Variants in ZCCHC2 observed in about 807,000 individuals in gnomAD.
ZCCHC2 encodes the protein zinc finger CCHC-type containing 2.
ZCCHC2 carries 39 observed loss-of-function variants against 103.6 expected under a neutral mutation model. That is an observed-to-expected ratio of 0.38 (90% CI 0.29 to 0.49). The LOEUF is 0.49. ZCCHC2 is among the 20% of genes least tolerant of loss of function. ZCCHC2 has a pLI of 0.96. For synonymous variants in ZCCHC2, 687 were observed against 608.9 expected (o/e 1.13, Z -1.89); for missense variants, 1,483 against 1,491.0 (o/e 0.99, Z 0.09).
rs1915885954 is a variant in ZCCHC2, at chr18:62,556,386, TAGTTAA to T, written c.1408+96_1408+101del. 3.1e-5 allele frequency: 32 copies of T among 1,047,282 alleles called. No individual in the cohort carries two copies. The South Asian group carries it at 5.0e-4, about 16-fold the overall frequency. The allele number at this position is 1,047,282 out of a possible 1,614,324, so 64.9% of individuals were successfully genotyped here. A position where few individuals can be genotyped will look rare whatever the true frequency, so the allele number is the denominator to read the frequency against. On this transcript the variant is annotated intron_variant, in intron 6 of 13. Transcript: ENST00000269499. Reference sequence around the variant, plus strand: ...GTCATTTTGTGTAGGTTTGTCACTTTAGTTAAAGTTAAGGAATAGTGACATACATTT... The same window carrying T: ...GTCATTTTGTGTAGGTTTGTCACTTTAGTTAAGGAATAGTGACATACATTT...
intron 11 of ZCCHC2, among the ~76,000 whole-genome samples, chr18:62,566,755 C>T (rs1916384432): frequency 6.6e-6 from 1 of 152,190 alleles, no homozygotes; most frequent in African/African-American, 2.4e-5. Context: ...CATGTGACCT[C>T]TCTGATGCCT....
At position 62,553,595 on chromosome 18, in the gene ZCCHC2, A is replaced by G. The variant is rs559822981; in HGVS notation, c.1314-2608A>G. On this transcript the variant is annotated intron_variant, in intron 5 of 13. Transcript: ENST00000269499. ...TTTATCTGTAAGATCAATTTATGGA[A>G]ATAATGTAATTGGTCAAAAGTTACA... Among the ~76,000 whole-genome samples, 5 of 152,292 alleles carry G rather than the reference A, an allele frequency of 3.3e-5. No homozygotes were observed. The East Asian group carries it at 9.6e-4, about 29-fold the overall frequency.
chr18:62,585,454 T>C (rs540405557), exon 15 of ZCCHC2: 1 of 152,100 alleles, frequency 6.6e-6, no homozygotes, highest in Non-Finnish European at 1.5e-5. Flanking sequence ...ACAAGAACAG[T>C]CACCCCCAAC....
chr18:62,527,518 A>G (rs1914486733), intron 1 of ZCCHC2, among the ~76,000 whole-genome samples: 1 of 152,182 alleles, frequency 6.6e-6, no homozygotes. Context: ...GAGTTTTTCT[A>G]TTATTTGGAT....
chr18:62,554,799 G>C (rs1431911644), intron 5 of ZCCHC2, among the ~76,000 whole-genome samples: 1 of 152,162 alleles, frequency 6.6e-6, no homozygotes, highest in African/African-American at 2.4e-5. Context: ...ATTTGCTCCT[G>C]AATTCAGATC....
intron 2 of ZCCHC2, among the ~76,000 whole-genome samples, chr18:62,541,411 G>A (rs951404136): frequency 5.3e-5 from 8 of 152,052 alleles, no homozygotes; most frequent in African/African-American, 1.2e-4. Flanking sequence ...CCCACCTTCC[G>A]TGGTCTTTTA....
chr18:62,574,877 C>T lies in ZCCHC2; in HGVS notation c.2796C>T (p.Asn932=). The change falls in exon 13 of 14, where the codon AAC becomes AAT. Residue 932 remains asparagine (N), a synonymous_variant. Transcript: ENST00000269499. ...PLAAGVLPSQ[N]SSVLSTAATS... Reference sequence around the variant, plus strand: ...CTGCCGGCGTGTTACCCAGCCAGAACTCCAGTGTGCTCAGCACAGCAGCAA... The same window carrying T: ...CTGCCGGCGTGTTACCCAGCCAGAATTCCAGTGTGCTCAGCACAGCAGCAA... The T allele has an allele frequency of 8.1e-6, 13 of 1,613,870 alleles. No individual in the cohort carries two copies. Among genetic ancestry groups the T allele is most frequent in the Non-Finnish European group, 1.1e-5 (13 of 1,179,886 alleles).
intron 11 of ZCCHC2, among the ~76,000 whole-genome samples, chr18:62,568,251 A>T (rs1302140554): frequency 6.6e-6 from 1 of 152,052 alleles, no homozygotes. Flanking sequence ...TTTTGTTTTT[A>T]TTATGTGCAA....
intron 2 of ZCCHC2, among the ~76,000 whole-genome samples, chr18:62,541,562 CA>C (rs140581524): frequency 0.82 from 124,252 of 152,020 alleles, 51,591 homozygotes; most frequent in East Asian, 0.99. Flanking sequence ...GTGTACCCCC[CA>C]CACCCATTCT....
At chr18:62,579,029 A>G (rs1462618519), downstream of ZCCHC2, among the ~76,000 whole-genome samples, 2 of 152,094 alleles carry the variant, frequency 1.3e-5, no homozygotes, top group African/African-American at 2.4e-5. Flanking sequence ...CTGCCTCCCA[A>G]AGTGGTGGGA....
rs1914247547 is a variant in ZCCHC2, at chr18:62,524,373, A to C, written c.939+10A>C. The C allele has an allele frequency of 1.3e-6, 2 of 1,499,628 alleles. No homozygotes were observed. Among genetic ancestry groups the C allele is most frequent in the East Asian group, 5.2e-5 (2 of 38,326 alleles). 92.9% of individuals were successfully genotyped at this position (1,499,628 alleles called of 1,614,324 possible). A position where few individuals can be genotyped will look rare whatever the true frequency, so the allele number is the denominator to read the frequency against. The stretch of plus-strand genomic sequence containing the variant: ...CGGCCCCAGGGCCCAGGTAAGGCGC[A>C]CGGAGCCTCCCTGGACTCGCGGTGC... On this transcript the variant is annotated intron_variant, in intron 1 of 13. Coordinates refer to ENST00000269499, the MANE Select transcript of ZCCHC2 (RefSeq NM_017742.6).
intron 4 of ZCCHC2, among the ~76,000 whole-genome samples, chr18:62,546,987 C>A (rs1372501733): frequency 2.0e-5 from 3 of 152,026 alleles, no homozygotes; most frequent in Non-Finnish European, 2.9e-5. Flanking sequence ...CCAAGTTTAC[C>A]TTATCCTTTT....
At position 62,523,784 on chromosome 18, in the gene ZCCHC2, C is replaced by T. The variant is rs1307198944; in HGVS notation, c.360C>T (p.Asp120=). Residue 120 remains aspartate (D), a synonymous_variant, in exon 1 of 14, where the codon GAC becomes GAT. Coordinates refer to ENST00000269499, the MANE Select transcript of ZCCHC2 (RefSeq NM_017742.6). ...QRLEFMCGLL[D]LCNPLELRFL... is the part of the protein sequence containing the mutation. ...TGGAGTTCATGTGCGGGCTGCTGGACCTGTGCAACCCGCTGGAGCTGCGCT... is the reference window on the plus strand; with the variant it reads ...TGGAGTTCATGTGCGGGCTGCTGGATCTGTGCAACCCGCTGGAGCTGCGCT... 1.9e-6 allele frequency: 3 copies of T among 1,539,394 alleles called. No homozygotes were observed. The highest frequency in any genetic ancestry group is 1.7e-6 in the Non-Finnish European group (2 of 1,145,814).
Position 62,564,986 on chromosome 18 carries a change from T to A in ZCCHC2, c.1752-16T>A. On this transcript the variant is annotated splice_polypyrimidine_tract_variant and intron_variant, in intron 10 of 13. Transcript: ENST00000269499. ...TAACCTTATTAAAATGTTGGCAATA[T>A]GTTCATTTGGTTTAGGGAGAAAATT... The A allele has an allele frequency of 6.4e-7, 1 of 1,557,110 alleles. No individual in the cohort carries two copies. The highest frequency in any genetic ancestry group is 8.9e-7 in the Non-Finnish European group (1 of 1,128,684).
intron 2 of ZCCHC2, 63 bp downstream of exon 2, chr18:62,539,855 A>G: frequency 7.8e-7 from 1 of 1,288,546 alleles, no homozygotes; most frequent in Non-Finnish European, 1.1e-6. Context: ...GGTGCTCTTT[A>G]CGCTGATTAA....
At chr18:62,538,200 G>A (rs560562134) in intron 1 of ZCCHC2, among the ~76,000 whole-genome samples, 1 of 149,636 alleles carries the variant, frequency 6.7e-6, no homozygotes, top group African/African-American at 2.5e-5. Flanking sequence ...ATTTGAGGCT[G>A]CAGTGAGCTA....
At chr18:62,549,910 A>T (rs1915591136) in intron 4 of ZCCHC2, among the ~76,000 whole-genome samples, 1 of 152,242 alleles carries the variant, frequency 6.6e-6, no homozygotes, top group African/African-American at 2.4e-5. Flanking sequence ...AACAGGAGGC[A>T]CAAAAGTGCT....
Position 62,578,508 on chromosome 18 carries a change from T to C in ZCCHC2, c.*1929T>C, listed in dbSNP as rs1406625515. 1.3e-5 allele frequency: 2 copies of C among 152,692 alleles called. No individual in the cohort carries two copies. The highest frequency in any genetic ancestry group is 2.9e-5 in the Non-Finnish European group (2 of 68,050). 9.5% of individuals were successfully genotyped at this position (152,692 alleles called of 1,614,324 possible). On this transcript the variant is annotated 3_prime_UTR_variant, in exon 14 of 14. Transcript: ENST00000269499. Reference sequence around the variant, plus strand: ...TGTTATGTACTGGAAAGGCCACTTATATTTCTAGAACAGATTGGATTTTAT... The same window carrying C: ...TGTTATGTACTGGAAAGGCCACTTACATTTCTAGAACAGATTGGATTTTAT...
intron 1 of ZCCHC2, among the ~76,000 whole-genome samples, chr18:62,531,099 T>C (rs111830047): frequency 0.019 from 2,941 of 152,302 alleles, 62 homozygotes; most frequent in Middle Eastern, 0.075. Flanking sequence ...CCTGTACTAC[T>C]GTCAAGGCAG....
Sources: allele counts gnomAD v4.1 joint callset (sites outside exome capture counted in the v4.1 genomes callset), GRCh38; gene constraint gnomAD v4.1.1; transcripts MANE v1.5; gene names NCBI Gene and HGNC (gene_info 2026-07-23, HGNC 2026-07-21).